The following PCDHA2 variants were observed in gnomAD, a reference collection of about 807,000 sequenced individuals.
The protein encoded by PCDHA2 is protocadherin alpha-2.
A neutral mutation model predicts 66.0 loss-of-function variants in PCDHA2; 58 were observed. The ratio of observed to expected loss-of-function variants is 0.88; its 90% CI spans 0.71 to 1.09. The LOEUF (loss-of-function observed/expected upper bound fraction) is 1.09, where lower values mean the gene tolerates loss of function less well. Ranked by LOEUF, PCDHA2 falls within the 50% of genes least tolerant of loss-of-function variation. PCDHA2 has a pLI of 0.00. For missense variants in PCDHA2, 1,267 were observed against 1,242.3 expected, an observed-to-expected ratio of 1.02 and a Z score of -0.30; for synonymous variants, 634 against 554.0, an observed-to-expected ratio of 1.14 and a Z score of -2.03.
At chr5:141,000,589 A>G (rs1234300694) in intron 3 of PCDHA2, among the ~76,000 whole-genome samples, 3 of 150,422 alleles carry the variant, frequency 2.0e-5, no homozygotes, top group Admixed American at 2.0e-4. Context: ...CACCATGCCC[A>G]GCTAATTTTT....
chr5:140,869,175 G>A, intron 1 of PCDHA2: 1 of 1,613,976 alleles, frequency 6.2e-7, no homozygotes, highest in East Asian at 2.2e-5. Context: ...TCGAATTCTG[G>A]GAGGTGGGGA....
chr5:140,840,473 G>A (rs1487904967), intron 1 of PCDHA2, among the ~76,000 whole-genome samples: 6 of 151,942 alleles, frequency 3.9e-5, no homozygotes, highest in Admixed American at 3.9e-4. Context: ...GGGGAAAAAA[G>A]TTTAAAGGCA....
Position 140,836,456 on chromosome 5 carries a change from C to T in PCDHA2, c.2388+39104C>T, listed in dbSNP as rs2150261271. ...CGTTGGGCATTGCAGGCCCAGAGAC[C>T]GAGCTGGTGGATGTCAACGTGTACC... is the stretch of plus-strand genomic sequence containing the variant. On this transcript the variant is annotated intron_variant, in intron 1 of 3. Coordinates refer to ENST00000526136, the MANE Select transcript of PCDHA2 (RefSeq NM_018905.3). 9 of 1,613,808 alleles carry T rather than the reference C, an allele frequency of 5.6e-6. No individual in the cohort carries two copies. In the South Asian group the frequency reaches 7.7e-5, roughly 14 times the overall value.
rs1554120266 is a variant in PCDHA2 at position 140,797,050 on chromosome 5, G to A, written c.2086G>A (p.Val696Ile). ...GGGCTCAGAGGCTACGCTGGTGGAT[G>A]TCAACGTGTACCTGATCATCGCCAT... The part of the protein sequence containing the change: ...AAGSEATLVD[V>I]NVYLIIAICA... The change falls in exon 1 of 4, where the codon GTC becomes ATC. Residue 696 changes from valine (V) to isoleucine (I), a missense_variant. Transcript: ENST00000526136. 1 of 1,613,772 alleles carries A rather than the reference G, an allele frequency of 6.2e-7. No homozygotes were observed. The highest frequency in any genetic ancestry group is 1.7e-5 in the Admixed American group (1 of 60,036).
Position 140,837,042 on chromosome 5 carries a change from A to G in PCDHA2, c.2388+39690A>G, listed in dbSNP as rs188335781. 9.1e-5 allele frequency: 19 copies of G among 209,806 alleles called. No homozygotes were observed. In the Admixed American group the frequency reaches 9.5e-4, roughly 10 times the overall value. 13.0% of individuals were successfully genotyped at this position (209,806 alleles called of 1,614,324 possible). ...CTTCTATAGTGTATTTACAAAATCA[A>G]ATATTTACATTTCCATATTTTGATA... On this transcript the variant is annotated intron_variant, in intron 1 of 3. Coordinates refer to ENST00000526136, the MANE Select transcript of PCDHA2 (RefSeq NM_018905.3).
rs782718867 is a variant in PCDHA2 at position 140,795,898 on chromosome 5, G to A, written c.934G>A (p.Glu312Lys). Residue 312 changes from glutamate (E) to lysine (K), a missense_variant, in exon 1 of 4, where the codon GAA becomes AAA. Coordinates refer to ENST00000526136, the MANE Select transcript of PCDHA2 (RefSeq NM_018905.3). ...IRTKGKLDYE[E>K]AKSYEIQVTA... is the part of the protein sequence containing the mutation. ...AACTAAGGGAAAATTAGATTATGAA[G>A]AAGCAAAGTCCTACGAGATTCAGGT... 6.2e-7 allele frequency: 1 copy of A among 1,613,984 alleles called. No individual in the cohort carries two copies.
At chr5:140,844,055 G>A (rs1371474280) in intron 1 of PCDHA2, among the ~76,000 whole-genome samples, 1 of 149,532 alleles carries the variant, frequency 6.7e-6, no homozygotes, top group Non-Finnish European at 1.5e-5. Flanking sequence ...TTCCCCCAAA[G>A]CGTTTATTCT....
intron 1 of PCDHA2, among the ~76,000 whole-genome samples, chr5:140,893,884 G>T (rs189719076): frequency 6.6e-6 from 1 of 152,296 alleles, no homozygotes; most frequent in Non-Finnish European, 1.5e-5. Flanking sequence ...AAAGTGGCCA[G>T]AAAGTTACTT....
intron 1 of PCDHA2, among the ~76,000 whole-genome samples, chr5:140,885,441 A>G (rs568228687): frequency 6.6e-6 from 1 of 152,232 alleles, no homozygotes; most frequent in African/African-American, 2.4e-5. Context: ...GTGTGCAATT[A>G]TATATTATTT....
At chr5:140,940,245 T>A (rs1262681154) in intron 1 of PCDHA2, among the ~76,000 whole-genome samples, 1 of 152,210 alleles carries the variant, frequency 6.6e-6, no homozygotes, top group Non-Finnish European at 1.5e-5. Flanking sequence ...TAAAGTTACC[T>A]CCTCAATATC....
intron 1 of PCDHA2, chr5:140,808,097 G>A (rs782004795): frequency 6.2e-7 from 1 of 1,613,970 alleles, no homozygotes; most frequent in Non-Finnish European, 8.5e-7. Context: ...ACAAATTATT[G>A]TAAAGGGATA....
chr5:140,904,826 T>C (rs1251990612), intron 1 of PCDHA2, among the ~76,000 whole-genome samples: 1 of 152,206 alleles, frequency 6.6e-6, no homozygotes. Flanking sequence ...GAGCATTTTT[T>C]TATATGTTTC....
intron 1 of PCDHA2, among the ~76,000 whole-genome samples, chr5:140,915,224 G>C (rs2077030896): frequency 6.6e-6 from 1 of 152,144 alleles, no homozygotes; most frequent in African/African-American, 2.4e-5. Context: ...TGGGATTACA[G>C]GCATGAGCCA....
rs570001791 is a variant in PCDHA2, at chr5:140,924,660, C to T, written c.2389-54289C>T. Among the ~76,000 whole-genome samples the T allele has an allele frequency of 2.5e-3, 382 of 152,090 alleles. 1 individual carries two copies. Among genetic ancestry groups the T allele is most frequent in the South Asian group, 8.9e-3 (43 of 4,822 alleles). Reference sequence around the variant, plus strand: ...CTGTAATCCCAGCACTTTGGGAGGCCGAGGCAGGCCAATCACTTGAGGTCA... The same window carrying T: ...CTGTAATCCCAGCACTTTGGGAGGCTGAGGCAGGCCAATCACTTGAGGTCA... On this transcript the variant is annotated intron_variant, in intron 1 of 3. Coordinates refer to ENST00000526136, the MANE Select transcript of PCDHA2 (RefSeq NM_018905.3).
At position 140,796,943 on chromosome 5, in the gene PCDHA2, C is replaced by T; in HGVS notation, c.1979C>T (p.Thr660Ile). 1 of 1,613,846 alleles carries T rather than the reference C, an allele frequency of 6.2e-7. No homozygotes were observed. The highest frequency in any genetic ancestry group is 8.5e-7 in the Non-Finnish European group (1 of 1,179,976). Residue 660 changes from threonine (T) to isoleucine (I), a missense_variant, in exon 1 of 4, where the codon ACA (threonine) becomes ATA (isoleucine). By Grantham distance (89) the Thr-to-Ile change is moderately conservative. Coordinates refer to ENST00000526136, the MANE Select transcript of PCDHA2 (RefSeq NM_018905.3). ...AAGGACCACGGCGAACCAGCGTTGACAGCCACGGCCACCGTGTTAGTGTCG... is the reference window on the plus strand; with the variant it reads ...AAGGACCACGGCGAACCAGCGTTGATAGCCACGGCCACCGTGTTAGTGTCG... Reference protein sequence around the residue: ...LVKDHGEPALTATATVLVSLV... With the variant: ...LVKDHGEPALIATATVLVSLV...
intron 1 of PCDHA2, chr5:140,966,877 T>A (rs782616985): frequency 6.3e-7 from 1 of 1,586,572 alleles, no homozygotes; most frequent in Admixed American, 1.8e-5. Context: ...TGCTGCTACC[T>A]GGCCCTGCGG....
intron 1 of PCDHA2, chr5:140,929,943 A>C (rs996777609): frequency 1.3e-5 from 2 of 152,224 alleles, no homozygotes; most frequent in African/African-American, 4.8e-5. Flanking sequence ...TCTCTAGCCT[A>C]TACTTTTAAT....
chr5:140,971,999 A>G (rs543282950), intron 1 of PCDHA2, among the ~76,000 whole-genome samples: 18 of 152,302 alleles, frequency 1.2e-4, no homozygotes, highest in African/African-American at 3.8e-4. Flanking sequence ...TCCAATGTTT[A>G]TATTCCCTTT....
chr5:140,807,240 T>A, intron 1 of PCDHA2: 1 of 1,614,082 alleles, frequency 6.2e-7, no homozygotes, highest in Non-Finnish European at 8.5e-7. Context: ...CTGCTCTTAC[T>A]TCTTCTCCTC....
Sources: allele counts gnomAD v4.1 joint callset (sites outside exome capture counted in the v4.1 genomes callset), GRCh38; gene constraint gnomAD v4.1.1; transcripts MANE v1.5; gene names NCBI Gene and HGNC (gene_info 2026-07-23, HGNC 2026-07-21).